The following HNRNPU variants were observed in gnomAD, a reference collection of about 807,000 sequenced individuals.
HNRNPU encodes heterogeneous nuclear ribonucleoprotein U, also known as HNRNPU antisense RNA 1.
HNRNPU carries 5 observed loss-of-function variants against 94.7 expected under a neutral mutation model. That is an observed-to-expected ratio of 0.05 (90% CI 0.03 to 0.11). HNRNPU has a LOEUF of 0.11. HNRNPU is among the 10% of genes least tolerant of loss of function. HNRNPU has a pLI of 1.00. For missense variants in HNRNPU, 710 were observed against 1,049.2 expected (o/e 0.68, Z 4.47); for synonymous variants, 434 against 381.6 (o/e 1.14, Z -1.60).
intron 8 of HNRNPU, chr1:244,857,245 TTC>T: frequency 4.5e-6 from 1 of 220,926 alleles, no homozygotes; most frequent in Non-Finnish European, 8.7e-6. Flanking sequence ...AATTTTTCTT[TTC>T]TTTTTTTTTT....
In HNRNPU at chr1:244,851,660, T is replaced by C. The variant is rs1460740201; in HGVS notation, c.*2790A>G. The stretch of plus-strand genomic sequence containing the variant: ...GTATCTATCCTAGGCAAATGAGAGC[T>C]TGTTTTTATGTATTTAAGAGTTTCC... On this transcript the variant is annotated 3_prime_UTR_variant, in exon 14 of 14. Coordinates refer to ENST00000640218, the MANE Select transcript of HNRNPU (RefSeq NM_031844.3). 6.6e-6 allele frequency: 1 copy of C among 152,220 alleles called. No individual in the cohort carries two copies. The highest frequency in any genetic ancestry group is 1.5e-5 in the Non-Finnish European group (1 of 68,046). 9.4% of individuals were successfully genotyped at this position (152,220 alleles called of 1,614,324 possible).
chr1:244,863,488 TCC>T (rs1680909002), intron 1 of HNRNPU, 127 bp downstream of exon 1: 2 of 297,176 alleles, frequency 6.7e-6, no homozygotes, highest in Admixed American at 1.2e-4. Flanking sequence ...CCGCGCCCCC[TCC>T]CCCACCCTCA....
intron 1 of HNRNPU, among the ~76,000 whole-genome samples, chr1:244,863,276 G>A (rs1472400820): frequency 2.7e-5 from 4 of 146,488 alleles, no homozygotes; most frequent in Non-Finnish European, 6.0e-5. Flanking sequence ...GCAGCGCGAC[G>A]GCGCCACCGC....
chr1:244,855,373 C>T, intron 12 of HNRNPU, 51 bp downstream of exon 12: 1 of 1,555,220 alleles, frequency 6.4e-7, no homozygotes, highest in Admixed American at 1.7e-5. Context: ...CACACCTTTC[C>T]AGACTAAGCT....
rs1301128749 is a variant in HNRNPU, at chr1:244,864,504, G to A, written c.-197C>T. 3.4e-6 allele frequency: 3 copies of A among 884,034 alleles called. No individual in the cohort carries two copies. Among genetic ancestry groups the A allele is most frequent in the Admixed American group, 3.3e-5 (1 of 29,858 alleles). The allele number at this position is 884,034 out of a possible 1,614,324, so 54.8% of individuals were successfully genotyped here. A position where few individuals can be genotyped will look rare whatever the true frequency, so the allele number is the denominator to read the frequency against. On this transcript the variant is annotated 5_prime_UTR_variant, in exon 1 of 14. Coordinates refer to ENST00000640218, the MANE Select transcript of HNRNPU (RefSeq NM_031844.3). ...CTTTCACCGAGTTCGCGAGGGAGAC[G>A]CGGAGACTCGCCTGGCGCGAGCGAG...
Position 244,855,984 on chromosome 1 carries a change from C to A in HNRNPU, c.2087G>T (p.Gly696Val). The A allele has an allele frequency of 6.2e-7, 1 of 1,614,138 alleles. No individual in the cohort carries two copies. The highest frequency in any genetic ancestry group is 1.1e-5 in the South Asian group (1 of 91,086). Residue 696 changes from glycine (G) to valine (V), a missense_variant, in exon 11 of 14, where the codon GGC (glycine) becomes GTC (valine). Coordinates refer to ENST00000640218, the MANE Select transcript of HNRNPU (RefSeq NM_031844.3). ...GSKKSNKNKSGKNQFNRGGGH... is the reference protein window; with the variant it reads ...GSKKSNKNKSVKNQFNRGGGH... ...ACCACCTCTGTTAAACTGGTTCTTG[C>A]CACTCTTATTTTTATTGCTTTTCTT...
At position 244,859,267 on chromosome 1, in the gene HNRNPU, A is replaced by G; in HGVS notation, c.1117+8T>C. ...CATGAGCCCACATCAGTCAAAAAGA[A>G]GCTTTACCAAGTAACATTCCACTTG... On this transcript the variant is annotated splice_region_variant and intron_variant, in intron 5 of 13. Transcript: ENST00000640218. 1.4e-6 allele frequency: 2 copies of G among 1,446,074 alleles called. No homozygotes were observed. The highest frequency in any genetic ancestry group is 1.9e-6 in the Non-Finnish European group (2 of 1,027,294). The allele number at this position is 1,446,074 out of a possible 1,614,324, so 89.6% of individuals were successfully genotyped here. A position where few individuals can be genotyped will look rare whatever the true frequency, so the allele number is the denominator to read the frequency against.
chr1:244,854,614 T>C (rs1680628083), intron 13 of HNRNPU, 111 bp from the exon 14 acceptor site: 8 of 729,696 alleles, frequency 1.1e-5, no homozygotes, highest in Middle Eastern at 2.4e-4. Flanking sequence ...AACAAATTTA[T>C]ACCTGTCATA....
At chr1:244,859,506 C>G in intron 4 of HNRNPU, 132 bp from the exon 5 acceptor site, 1 of 508,140 alleles carries the variant, frequency 2.0e-6, no homozygotes, top group Non-Finnish European at 3.5e-6. Flanking sequence ...TCTAGCCCAC[C>G]CCCAATATTT....
intron 8 of HNRNPU, chr1:244,857,066 A>G: frequency 2.3e-6 from 1 of 430,594 alleles, no homozygotes; most frequent in Non-Finnish European, 4.1e-6. Flanking sequence ...AGATGTTAAG[A>G]GCTCAAAAAC....
At chr1:244,856,367 G>A (rs530091287) in intron 10 of HNRNPU, 90 bp downstream of exon 10, 1 of 1,372,746 alleles carries the variant, frequency 7.3e-7, no homozygotes, top group East Asian at 2.3e-5. Context: ...AGTCCTAATA[G>A]ATTTAACATA....
Position 244,852,153 on chromosome 1 carries a change from A to G in HNRNPU, c.*2297T>C, listed in dbSNP as rs939831464. 3 of 151,844 alleles carry G rather than the reference A, an allele frequency of 2.0e-5. No homozygotes were observed. Among genetic ancestry groups the G allele is most frequent in the Non-Finnish European group, 4.4e-5 (3 of 67,938 alleles). 9.4% of individuals were successfully genotyped at this position (151,844 alleles called of 1,614,324 possible). ...TCGTTCGTATCTTACTTCTTACCTA[A>G]TTTTCTCCCTGTTGCTTATTTGGTA... On this transcript the variant is annotated 3_prime_UTR_variant, in exon 14 of 14. Transcript: ENST00000640218.
In HNRNPU at chr1:244,864,190, C is replaced by A; in HGVS notation, c.118G>T (p.Ala40Ser). Reference sequence around the variant, plus strand: ...CCGGCCTCCTCGTCGTCCAGCGCAGCCTGGAGTCGCTCCATGAGCTCGGCC... The same window carrying A: ...CCGGCCTCCTCGTCGTCCAGCGCAGACTGGAGTCGCTCCATGAGCTCGGCC... ...LKAELMERLQ[A>S]ALDDEEAGGR... The change falls in exon 1 of 14, where the codon GCT (alanine) becomes TCT (serine). Residue 40 changes from alanine to serine, a missense_variant. By Grantham distance (99) the Ala-to-Ser change is moderately conservative. Transcript: ENST00000640218. The A allele has an allele frequency of 2.5e-6, 4 of 1,609,766 alleles. No homozygotes were observed. Among genetic ancestry groups the A allele is most frequent in the Non-Finnish European group, 2.5e-6 (3 of 1,178,422 alleles).
chr1:244,855,435 T>G lies in HNRNPU; in HGVS notation c.2341A>C (p.Asn781His). Residue 781 changes from asparagine to histidine, a missense_variant, in exon 12 of 14, where the codon AAC becomes CAC. Physicochemically the swap from Asn to His is moderately conservative, Grantham distance 68. This residue lies in a region of HNRNPU where 152 missense variants were observed against 238.9 expected (regional missense o/e 0.64). Coordinates refer to ENST00000640218, the MANE Select transcript of HNRNPU (RefSeq NM_031844.3). ...TCTTGAATCATTACCTGGTTGTAGT[T>G]CCCTCTGTTGGGCATTCCACCTCTG... ...YNRGGMPNRGNYNQNFRGRGN... is the reference protein window; with the variant it reads ...YNRGGMPNRGHYNQNFRGRGN... 1 of 1,613,426 alleles carries G rather than the reference T, an allele frequency of 6.2e-7. No homozygotes were observed. Among genetic ancestry groups the G allele is most frequent in the Non-Finnish European group, 8.5e-7 (1 of 1,179,874 alleles).
intron 13 of HNRNPU, 84 bp from the exon 14 acceptor site, chr1:244,854,587 C>T: frequency 1.1e-6 from 1 of 924,720 alleles, no homozygotes; most frequent in Admixed American, 1.9e-5. Flanking sequence ...GAATCTAATT[C>T]AGAGTAATTT....
In HNRNPU at chr1:244,863,644, C is replaced by T. The variant is rs1553283807; in HGVS notation, c.664G>A (p.Gly222Ser). 1 of 1,548,776 alleles carries T rather than the reference C, an allele frequency of 6.5e-7. No homozygotes were observed. ...GCCGCCGGAGCCCCGGGGCGACCGC[C>T]GCCTCCGCCGCCTTCCGCCTTCTTC... The part of the protein sequence containing the change: ...GKKKAEGGGG[G>S]GRPGAPAAGD... Residue 222 changes from glycine to serine, a missense_variant, in exon 1 of 14, where the codon GGC becomes AGC. Around this residue, in one of 8 missense-constraint regions of HNRNPU, gnomAD observed 292 missense variants for 293.4 expected, o/e 1.00. Transcript: ENST00000640218.
intron 10 of HNRNPU, 90 bp downstream of exon 10, chr1:244,856,367 G>T: frequency 1.5e-6 from 2 of 1,372,742 alleles, no homozygotes; most frequent in Non-Finnish European, 2.0e-6. Context: ...AGTCCTAATA[G>T]ATTTAACATA....
At chr1:244,859,040 A>G in intron 5 of HNRNPU, 199 bp from the exon 6 acceptor site, 1 of 580,418 alleles carries the variant, frequency 1.7e-6, no homozygotes, top group Non-Finnish European at 3.0e-6. Context: ...AAATTAGTTG[A>G]CGATTTGCAT....
chr1:244,855,719 C>T, intron 11 of HNRNPU, 111 bp from the exon 12 acceptor site: 1 of 1,346,376 alleles, frequency 7.4e-7, no homozygotes, highest in South Asian at 1.4e-5. Context: ...TGTTTAAAGA[C>T]AAAAGAAATG....
Sources: allele counts gnomAD v4.1 joint callset (sites outside exome capture counted in the v4.1 genomes callset), GRCh38; gene constraint gnomAD v4.1.1; regional missense constraint gnomAD v4.1.1; transcripts MANE v1.5; gene names NCBI Gene and HGNC (gene_info 2026-07-23, HGNC 2026-07-21).